Variants in EPG5 observed in about 807,000 individuals in gnomAD.
The protein encoded by EPG5 is ectopic P-granules 5 autophagy tethering factor.
EPG5 carries 159 observed loss-of-function variants against 302.7 expected under a neutral mutation model. The observed-to-expected ratio is 0.53, with a 90% CI of 0.46 to 0.60. The LOEUF is 0.60. Ranked by LOEUF, EPG5 falls within the 20% of genes least tolerant of loss-of-function variation. The pLI is 0.00. For synonymous variants in EPG5, 1,158 were observed against 1,136.8 expected (o/e 1.02, Z -0.37); for missense variants, 2,896 against 3,092.4 (o/e 0.94, Z 1.51).
chr18:45,890,108 C>G, intron 27 of EPG5, 168 bp from the exon 28 acceptor site: 1 of 503,676 alleles, frequency 2.0e-6, no homozygotes, highest in Non-Finnish European at 3.4e-6. Context: ...ATCAATAGTT[C>G]AAAGCCTTTT....
intron 20 of EPG5, among the ~76,000 whole-genome samples, chr18:45,914,398 C>A (rs951633518): frequency 2.0e-5 from 3 of 152,098 alleles, no homozygotes; most frequent in African/African-American, 7.2e-5. Context: ...GGAAGAAGAG[C>A]AAGAAGTAAG....
rs760372673 is a variant in EPG5, at chr18:45,866,963, T to G, written c.6456A>C (p.Ser2152=). 6 of 1,614,162 alleles carry G rather than the reference T, an allele frequency of 3.7e-6. No individual in the cohort carries two copies. The highest frequency in any genetic ancestry group is 5.1e-6 in the Non-Finnish European group (6 of 1,180,012). ...LSLLGQTSSL[S]WHLVDIVSYQ... ...ACGACACAATATCCACAAGATGCCA[T>G]GAAAGTGAGCTTGTCTGTCCAAGGA... The change falls in exon 38 of 44, where the codon TCA becomes TCC. Residue 2152 remains serine, a synonymous_variant. Coordinates refer to ENST00000282041, the MANE Select transcript of EPG5 (RefSeq NM_020964.3).
the EPG5 span, among the ~76,000 whole-genome samples, chr18:45,820,753 C>T: frequency 6.6e-6 from 1 of 152,180 alleles, no homozygotes; most frequent in Non-Finnish European, 1.5e-5. Context: ...CCAACCCTTC[C>T]TTACCTTTTC....
Position 45,938,423 on chromosome 18 carries a change from C to T in EPG5, c.2099+1177G>A, listed in dbSNP as rs141101174. ...GTTGCAGTGAGCCAAGATCATGCTA[C>T]TACACTCCAGCCTGGGCAACAAAGT... On this transcript the variant is annotated intron_variant, in intron 10 of 43. Coordinates refer to ENST00000282041, the MANE Select transcript of EPG5 (RefSeq NM_020964.3). Among the ~76,000 whole-genome samples, 7 of 148,454 alleles carry T rather than the reference C, an allele frequency of 4.7e-5. No individual in the cohort carries two copies. In the East Asian group the frequency reaches 1.2e-3, roughly 25 times the overall value.
At chr18:45,800,936 A>C in the EPG5 span, among the ~76,000 whole-genome samples, 2 of 152,198 alleles carry the variant, frequency 1.3e-5, no homozygotes, top group Non-Finnish European at 2.9e-5. Context: ...TCAGGTGAGC[A>C]TTTTTGAAAG....
the EPG5 span, among the ~76,000 whole-genome samples, chr18:45,827,921 CT>C: frequency 3.9e-5 from 6 of 152,246 alleles, no homozygotes; most frequent in South Asian, 2.1e-4. Context: ...CACACCTTCT[CT>C]GTTGAGATTA....
At chr18:45,830,276 G>T in the EPG5 span, among the ~76,000 whole-genome samples, 10 of 152,344 alleles carry the variant, frequency 6.6e-5, no homozygotes, top group South Asian at 2.1e-3. Flanking sequence ...AGGCTCCCCA[G>T]CTCTGTTTCT....
rs1490250257 is a variant in EPG5 at position 45,912,228 on chromosome 18, G to A, written c.3983+62C>T. 6 of 1,407,580 alleles carry A rather than the reference G, an allele frequency of 4.3e-6. No homozygotes were observed. In the East Asian group the frequency reaches 1.2e-4, roughly 29 times the overall value. 87.2% of individuals were successfully genotyped at this position (1,407,580 alleles called of 1,614,324 possible). On this transcript the variant is annotated intron_variant, in intron 22 of 43. Coordinates refer to ENST00000282041, the MANE Select transcript of EPG5 (RefSeq NM_020964.3). ...ACACTCCACAGTCTAAGAACACATAGAATGAGAGCAGTGCAAAGGCAGAAA... is the reference window on the plus strand; with the variant it reads ...ACACTCCACAGTCTAAGAACACATAAAATGAGAGCAGTGCAAAGGCAGAAA...
chr18:45,853,759 G>A (rs886504747), intron 43 of EPG5, among the ~76,000 whole-genome samples: 7 of 152,160 alleles, frequency 4.6e-5, no homozygotes, highest in African/African-American at 1.7e-4. Flanking sequence ...GAAGGTATCT[G>A]GGTACCAAAT....
intron 11 of EPG5, among the ~76,000 whole-genome samples, chr18:45,932,689 A>G (rs1343055979): frequency 6.6e-6 from 1 of 152,156 alleles, no homozygotes; most frequent in Non-Finnish European, 1.5e-5. Flanking sequence ...AGCAAATTAG[A>G]GCAGGAGGAT....
At position 45,946,770 on chromosome 18, in the gene EPG5, T is replaced by C; in HGVS notation, c.1572-2A>G. 1 of 1,613,690 alleles carries C rather than the reference T, an allele frequency of 6.2e-7. No homozygotes were observed. The highest frequency in any genetic ancestry group is 8.5e-7 in the Non-Finnish European group (1 of 1,179,578). ...TGGCACATAAACTCAGCTCGATTTC[T>C]AAAGGACAAGAATAATCACTCCCAT... On this transcript the variant is annotated splice_acceptor_variant, in intron 6 of 43. Transcript: ENST00000282041. LOFTEE classifies it high-confidence loss of function.
rs2051289556 is a variant in EPG5 at position 45,967,300 on chromosome 18, T to G, written c.-61A>C. ...TCAAACCCCTGCGCTTCAAGCAACCTGCCCGGTTCTGGCCTCCGGACTGTC... is the reference window on the plus strand; with the variant it reads ...TCAAACCCCTGCGCTTCAAGCAACCGGCCCGGTTCTGGCCTCCGGACTGTC... On this transcript the variant is annotated 5_prime_UTR_variant, in exon 1 of 44. Coordinates refer to ENST00000282041, the MANE Select transcript of EPG5 (RefSeq NM_020964.3). 2 of 1,467,958 alleles carry G rather than the reference T, an allele frequency of 1.4e-6. No homozygotes were observed. The highest frequency in any genetic ancestry group is 2.8e-5 in the African/African-American group (2 of 70,862). 90.9% of individuals were successfully genotyped at this position (1,467,958 alleles called of 1,614,324 possible).
chr18:45,881,534 G>T (rs1369444469), intron 31 of EPG5, among the ~76,000 whole-genome samples: 1 of 151,906 alleles, frequency 6.6e-6, no homozygotes, highest in Admixed American at 6.6e-5. Context: ...ACAAAAATTT[G>T]GTATAAAGCA....
the EPG5 span, among the ~76,000 whole-genome samples, chr18:45,815,675 A>T: frequency 6.6e-6 from 1 of 152,252 alleles, no homozygotes; most frequent in African/African-American, 2.4e-5. Context: ...TCCCATGCTC[A>T]TGCATGGATA....
the EPG5 span, among the ~76,000 whole-genome samples, chr18:45,818,358 G>T: frequency 6.6e-6 from 1 of 151,718 alleles, no homozygotes; most frequent in East Asian, 1.9e-4. Context: ...GAGTAGAATT[G>T]CTGGATAAGG....
intron 27 of EPG5, among the ~76,000 whole-genome samples, chr18:45,891,207 C>G (rs2049337424): frequency 1.3e-5 from 2 of 151,968 alleles, no homozygotes. Flanking sequence ...TATAAAAGTT[C>G]CTGAAGGGCG....
the EPG5 span, among the ~76,000 whole-genome samples, chr18:45,836,841 G>T: frequency 1.3e-5 from 2 of 152,220 alleles, no homozygotes; most frequent in African/African-American, 4.8e-5. Flanking sequence ...CTCTGTAAGT[G>T]GAAGTGCTGG....
intron 35 of EPG5, among the ~76,000 whole-genome samples, chr18:45,872,378 C>T (rs2048889259): frequency 6.6e-6 from 1 of 152,164 alleles, no homozygotes; most frequent in African/African-American, 2.4e-5. Context: ...AGAACAGAAA[C>T]CTGATGGTTT....
intron 22 of EPG5, among the ~76,000 whole-genome samples, chr18:45,911,110 C>CATATAT (rs71373730): frequency 1.1e-3 from 144 of 127,956 alleles, no homozygotes; most frequent in African/African-American, 3.9e-3. Flanking sequence ...CACACACACA[C>CATATAT]ATATATATAT....
Sources: gnomAD v4.1 joint callset for allele counts (sites outside exome capture counted in the v4.1 genomes callset) on GRCh38, gnomAD v4.1.1 for gene constraint, MANE v1.5 for transcripts, NCBI Gene and HGNC (gene_info 2026-07-23, HGNC 2026-07-21) for gene names.